DTWD2: variants seen among roughly 807,000 people sequenced by gnomAD.
The protein encoded by DTWD2 is DTW motif tRNA-uridine aminocarboxypropyltransferase 2, also known as tRNA-uridine aminocarboxypropyltransferase 2.
A neutral mutation model predicts 31.8 loss-of-function variants in DTWD2; 39 were observed. The ratio of observed to expected loss-of-function variants is 1.22; its 90% CI spans 0.95 to 1.60. The LOEUF is 1.60. DTWD2 is among the 40% of genes most tolerant of loss of function. DTWD2 has a pLI of 0.00. For synonymous variants in DTWD2, 180 were observed against 142.8 expected (o/e 1.26, Z -1.86); for missense variants, 515 against 381.5 (o/e 1.35, Z -2.92).
At chr5:118,912,610 T>C (rs913961216) in intron 4 of DTWD2, among the ~76,000 whole-genome samples, 14 of 152,248 alleles carry the variant, frequency 9.2e-5, no homozygotes, top group African/African-American at 3.1e-4. Context: ...TGGCTAATTC[T>C]GCCTCATCTT....
At chr5:118,951,901 C>T (rs535991784) in intron 1 of DTWD2, among the ~76,000 whole-genome samples, 16 of 152,246 alleles carry the variant, frequency 1.1e-4, no homozygotes, top group East Asian at 1.9e-4. Context: ...CAGGTGTCCC[C>T]GCGTGATTAA....
intron 1 of DTWD2, among the ~76,000 whole-genome samples, chr5:118,950,141 C>T (rs1459432629): frequency 3.2e-5 from 4 of 125,120 alleles, no homozygotes; most frequent in Admixed American, 1.7e-4. Context: ...ACCCAGGAGA[C>T]GGAGCTTGTA....
chr5:118,984,651 G>A (rs993947019), intron 1 of DTWD2, among the ~76,000 whole-genome samples: 4 of 152,128 alleles, frequency 2.6e-5, no homozygotes, highest in African/African-American at 9.7e-5. Context: ...ACACTGGAGA[G>A]ACAAAAACTT....
intron 1 of DTWD2, among the ~76,000 whole-genome samples, chr5:118,960,910 T>C (rs1250950767): frequency 1.3e-5 from 2 of 151,818 alleles, no homozygotes; most frequent in African/African-American, 2.4e-5. Context: ...ACAATAGACA[T>C]TGAGGCCTAA....
Position 118,988,507 on chromosome 5 carries a change from T to C in DTWD2, c.5A>G (p.Glu2Gly). 4 of 1,560,964 alleles carry C rather than the reference T, an allele frequency of 2.6e-6. No individual in the cohort carries two copies. The highest frequency in any genetic ancestry group is 3.5e-6 in the Non-Finnish European group (4 of 1,156,610). Residue 2 changes from glutamate to glycine, a missense_variant, in exon 1 of 6, where the codon GAG (glutamate) becomes GGG (glycine). Transcript: ENST00000510708. ...GAGTGTTCGTGCCTCTTTCTGCGAC[T>C]CCATGGCGGACACTCCGGTCAGGCC... M[E>G]SQKEARTLQE... is the part of the protein sequence containing the mutation.
intron 4 of DTWD2, among the ~76,000 whole-genome samples, chr5:118,897,873 A>G (rs2149563709): frequency 6.6e-6 from 1 of 152,246 alleles, no homozygotes; most frequent in African/African-American, 2.4e-5. Context: ...AAAATTAAAT[A>G]ATTTCTTTTT....
intron 2 of DTWD2, among the ~76,000 whole-genome samples, chr5:118,943,662 C>A (rs1461333878): frequency 1.3e-5 from 2 of 152,012 alleles, no homozygotes; most frequent in Non-Finnish European, 2.9e-5. Flanking sequence ...TGTTTGTACC[C>A]GGGAGGCAGA....
chr5:118,982,194 CACTA>C lies in DTWD2; in HGVS notation c.218+6096_218+6099del, dbSNP rs1755317367. ...TGAATATATTATCTGACTACATAAG[CACTA>C]ATAGAAACTATGAATTATTAATTTT... On this transcript the variant is annotated intron_variant, in intron 1 of 5. Coordinates refer to ENST00000510708, the MANE Select transcript of DTWD2 (RefSeq NM_173666.4). 3.9e-5 allele frequency among the ~76,000 whole-genome samples: 6 copies of C among 152,158 alleles called. No individual in the cohort carries two copies. The South Asian group carries it at 1.2e-3, about 32-fold the overall frequency.
intron 4 of DTWD2, among the ~76,000 whole-genome samples, chr5:118,887,506 T>C (rs1580787805): frequency 6.6e-6 from 1 of 152,130 alleles, no homozygotes; most frequent in East Asian, 1.9e-4. Context: ...CCCAACCACA[T>C]GAGATGGTTC....
intron 5 of DTWD2, among the ~76,000 whole-genome samples, chr5:118,847,167 C>T (rs1751877466): frequency 6.6e-6 from 1 of 152,034 alleles, no homozygotes; most frequent in African/African-American, 2.4e-5. Context: ...ACTGAGCTTT[C>T]ATCTATTATT....
chr5:118,851,839 T>TAA (rs200893015), intron 4 of DTWD2, among the ~76,000 whole-genome samples: 4 of 124,496 alleles, frequency 3.2e-5, no homozygotes, highest in Admixed American at 2.5e-4. Flanking sequence ...TAAAGTATAA[T>TAA]AAAAAAAAAA....
chr5:118,936,980 T>C (rs1486366220), intron 3 of DTWD2, among the ~76,000 whole-genome samples: 2 of 152,122 alleles, frequency 1.3e-5, no homozygotes, highest in African/African-American at 4.8e-5. Flanking sequence ...TTCAACAATT[T>C]AGATAACTTG....
At chr5:118,956,136 C>G (rs529573091) in intron 1 of DTWD2, among the ~76,000 whole-genome samples, 1 of 152,172 alleles carries the variant, frequency 6.6e-6, no homozygotes, top group Non-Finnish European at 1.5e-5. Context: ...TGGGGAATAA[C>G]TACTGCATTA....
At chr5:118,906,937 G>T (rs919288323) in intron 4 of DTWD2, among the ~76,000 whole-genome samples, 6 of 152,254 alleles carry the variant, frequency 3.9e-5, no homozygotes, top group Admixed American at 3.9e-4. Context: ...TTTATGGAAA[G>T]AAAAGGTAAT....
At chr5:118,984,084 C>T (rs532875184) in intron 1 of DTWD2, among the ~76,000 whole-genome samples, 1 of 152,122 alleles carries the variant, frequency 6.6e-6, no homozygotes, top group East Asian at 1.9e-4. Context: ...GTTGGAAGCT[C>T]GAGACCAGCC....
At chr5:118,985,490 T>TATATATATATA (rs1755403219) in intron 1 of DTWD2, among the ~76,000 whole-genome samples, 65 of 95,424 alleles carry the variant, frequency 6.8e-4, no homozygotes, top group East Asian at 4.4e-3. Flanking sequence ...ATGTGCATTT[T>TATATATATATA]TATATATATA....
intron 4 of DTWD2, among the ~76,000 whole-genome samples, chr5:118,882,009 C>T (rs1752752679): frequency 6.6e-6 from 1 of 152,174 alleles, no homozygotes; most frequent in Non-Finnish European, 1.5e-5. Flanking sequence ...TCCACATTAA[C>T]CCAAAAGTCC....
intron 4 of DTWD2, among the ~76,000 whole-genome samples, chr5:118,898,514 C>T (rs1753132020): frequency 6.6e-6 from 1 of 151,686 alleles, no homozygotes; most frequent in Admixed American, 6.6e-5. Flanking sequence ...AAAAAATTAG[C>T]CGGGCATGGT....
chr5:118,867,255 T>C (rs547740240), intron 4 of DTWD2, among the ~76,000 whole-genome samples: 18 of 152,134 alleles, frequency 1.2e-4, no homozygotes, highest in Middle Eastern at 3.4e-3. Flanking sequence ...TTGAACAGCA[T>C]ACATAATCTA....
Sources: allele counts gnomAD v4.1 joint callset (sites outside exome capture counted in the v4.1 genomes callset), GRCh38; gene constraint gnomAD v4.1.1; transcripts MANE v1.5; gene names NCBI Gene and HGNC (gene_info 2026-07-23, HGNC 2026-07-21).